Variants in CAPN12 observed in about 807,000 individuals in gnomAD.
CAPN12 encodes calpain-12.
A neutral mutation model predicts 95.0 loss-of-function variants in CAPN12; 107 were observed. The ratio of observed to expected loss-of-function variants is 1.13; its 90% CI spans 0.96 to 1.32. The LOEUF is 1.32. CAPN12 is among the 40% of genes most tolerant of loss of function. The probability of loss-of-function intolerance (pLI) is 0.00; values close to 1 mark genes in which losing one functional copy is unlikely to be tolerated. For missense variants in CAPN12, 1,136 were observed against 997.8 expected (o/e 1.14, Z -1.87); for synonymous variants, 505 against 415.5 (o/e 1.22, Z -2.62).
intron 18 of CAPN12, chr19:38,731,544 G>A (rs1322270922): frequency 2.5e-6 from 1 of 407,916 alleles, no homozygotes; most frequent in Non-Finnish European, 4.6e-6. Flanking sequence ...AGTGGGCACT[G>A]GAGGATATTT....
intron 18 of CAPN12, chr19:38,733,000 G>C (rs1210309916): frequency 1.3e-5 from 2 of 152,214 alleles, no homozygotes; most frequent in Non-Finnish European, 2.9e-5. Context: ...GAGGCCATTG[G>C]CCGGCTCTCT....
At chr19:38,740,485 C>T (rs2145250756) in intron 4 of CAPN12, among the ~76,000 whole-genome samples, 1 of 152,250 alleles carries the variant, frequency 6.6e-6, no homozygotes, top group East Asian at 1.9e-4. Context: ...AGGTGCACAC[C>T]ACCACACCCA....
In CAPN12 at chr19:38,743,057, T is replaced by G; in HGVS notation, c.283A>C (p.Thr95Pro). Residue 95 changes from threonine (T) to proline (P), a missense_variant, in exon 2 of 21, where the codon ACA becomes CCA. Thr to Pro is a conservative substitution (Grantham distance 38). Coordinates refer to ENST00000328867, the MANE Select transcript of CAPN12 (RefSeq NM_144691.4). Reference sequence around the variant, plus strand: ...CCCAGGCTCCCCTGACACACGTCTGTGCGGCTCATGTCTTCACAGATGAAC... The same window carrying G: ...CCCAGGCTCCCCTGACACACGTCTGGGCGGCTCATGTCTTCACAGATGAAC... Reference protein sequence around the residue: ...PKFICEDMSRTDVCQGSLGNC... With the variant: ...PKFICEDMSRPDVCQGSLGNC... The G allele has an allele frequency of 6.2e-7, 1 of 1,613,884 alleles. No individual in the cohort carries two copies. Among genetic ancestry groups the G allele is most frequent in the Non-Finnish European group, 8.5e-7 (1 of 1,179,934 alleles).
Position 38,735,528 on chromosome 19 carries a change from T to C in CAPN12, c.1600A>G (p.Ile534Val), listed in dbSNP as rs1489623749. The C allele has an allele frequency of 6.2e-7, 1 of 1,610,272 alleles. No homozygotes were observed. Among genetic ancestry groups the C allele is most frequent in the South Asian group, 1.1e-5 (1 of 90,840 alleles). Residue 534 changes from isoleucine to valine, a missense_variant, in exon 13 of 21, where the codon ATC becomes GTC. Ile to Val is a conservative substitution (Grantham distance 29). Coordinates refer to ENST00000328867, the MANE Select transcript of CAPN12 (RefSeq NM_144691.4). ...RHTAVEIDDVISADLQSLQGP... is the reference protein window; with the variant it reads ...RHTAVEIDDVVSADLQSLQGP... The stretch of plus-strand genomic sequence containing the variant: ...TGGAGAGACTGCAGGTCTGCGCTGA[T>C]CACGTCGTCGATCTCCCTGCAAATT...
In CAPN12 at chr19:38,737,286, C is replaced by T; in HGVS notation, c.1232G>A (p.Gly411Glu). The part of the protein sequence containing the change: ...EGPWGGWGAA[G>E]ARGPARGGRT... ...GCCCCCCCGCGCTGGGCCCCGTGCC[C>T]CTGCAGCCCCCCAGCCCCCCCAGGG... Residue 411 changes from glycine (G) to glutamate (E), a missense_variant, in exon 10 of 21, where the codon GGG becomes GAG. Physicochemically the swap from Gly to Glu is moderately conservative, Grantham distance 98. Transcript: ENST00000328867. The T allele has an allele frequency of 1.3e-6, 2 of 1,538,840 alleles. No individual in the cohort carries two copies. Among genetic ancestry groups the T allele is most frequent in the Non-Finnish European group, 1.8e-6 (2 of 1,141,476 alleles).
At position 38,733,730 on chromosome 19, in the gene CAPN12, C is replaced by A. The variant is rs566043949; in HGVS notation, c.1930G>T (p.Glu644Ter). 1.3e-5 allele frequency: 21 copies of A among 1,613,518 alleles called. No homozygotes were observed. In the Admixed American group the frequency reaches 3.3e-4, roughly 26 times the overall value. The change falls in exon 18 of 21, where the codon GAG becomes TAG. Residue 644 changes from glutamate (E) to a stop codon, truncating the protein, a stop_gained. Coordinates refer to ENST00000328867, the MANE Select transcript of CAPN12 (RefSeq NM_144691.4). LOFTEE classifies it high-confidence loss of function. The stretch of plus-strand genomic sequence containing the variant: ...GCTGCATTCAGTGCCAGCCTCAGCT[C>A]GTAGGAGTTCATGGTTCCAGAGGTG... ...EDTSGTMNSYELRLALNAAGF... is the reference protein window; with the variant it reads ...EDTSGTMNSY
chr19:38,738,716 A>G, intron 5 of CAPN12, 68 bp from the exon 6 acceptor site: 1 of 1,471,048 alleles, frequency 6.8e-7, no homozygotes, highest in Non-Finnish European at 9.5e-7. Flanking sequence ...CCCTGCCCCC[A>G]ACCTCCTGCC....
rs1162046191 is a variant in CAPN12 at position 38,744,359 on chromosome 19, C to G, written c.-194G>C. On this transcript the variant is annotated 5_prime_UTR_variant, in exon 1 of 21. Transcript: ENST00000328867. ...GTAGCTTTCTTCCCAGGGCGTGGGG[C>G]CTTCAGTTGTGGCCAAGGTAGCAGC... The G allele has an allele frequency of 1.5e-5, 9 of 616,102 alleles. No homozygotes were observed. Among genetic ancestry groups the G allele is most frequent in the Non-Finnish European group, 2.6e-5 (9 of 351,398 alleles). 38.2% of individuals were successfully genotyped at this position (616,102 alleles called of 1,614,324 possible). A position where few individuals can be genotyped will look rare whatever the true frequency, so the allele number is the denominator to read the frequency against.
chr19:38,738,526 G>A lies in CAPN12; in HGVS notation c.805-23C>T, dbSNP rs374731241. The A allele has an allele frequency of 6.2e-6, 10 of 1,613,600 alleles. No individual in the cohort carries two copies. In the East Asian group the frequency reaches 6.7e-5, roughly 11 times the overall value. ...CACCTGGGGCAGCATCGTCAGTGGG[G>A]GTGATGCCTGGACATGGCCTGCCAC... On this transcript the variant is annotated intron_variant, in intron 6 of 20. Transcript: ENST00000328867.
In CAPN12 at chr19:38,738,626, G is replaced by C; in HGVS notation, c.752C>G (p.Thr251Arg). The change falls in exon 6 of 21, where the codon ACA (threonine) becomes AGA (arginine). Residue 251 changes from threonine to arginine, a missense_variant. Physicochemically the swap from Thr to Arg is moderately conservative, Grantham distance 71 (BLOSUM62 -1). Coordinates refer to ENST00000328867, the MANE Select transcript of CAPN12 (RefSeq NM_144691.4). ...GTGTCCCTTTACCAGGCCCTCTTCTGTGCGGTACTCACCCCGATCACTCTG... is the reference window on the plus strand; with the variant it reads ...GTGTCCCTTTACCAGGCCCTCTTCTCTGCGGTACTCACCCCGATCACTCTG... ...TALSDRGEYR[T>R]EEGLVKGHAY... 6.2e-7 allele frequency: 1 copy of C among 1,614,028 alleles called. No homozygotes were observed. The highest frequency in any genetic ancestry group is 8.5e-7 in the Non-Finnish European group (1 of 1,180,034).
chr19:38,738,285 T>C lies in CAPN12; in HGVS notation c.953A>G (p.Asp318Gly). Residue 318 changes from aspartate (D) to glycine (G), a missense_variant, in exon 8 of 21, where the codon GAT becomes GGT. Physicochemically the swap from Asp to Gly is moderately conservative, Grantham distance 94. Coordinates refer to ENST00000328867, the MANE Select transcript of CAPN12 (RefSeq NM_144691.4). ...CRDALLVKKE[D>G]GEFWMELRDF... is the part of the protein sequence containing the mutation. The stretch of plus-strand genomic sequence containing the variant: ...CTGACGAACTGACCAGAACTCGCCA[T>C]CCTCCTTTTTCACCAGCAGGGCATC... The C allele has an allele frequency of 6.2e-7, 1 of 1,611,864 alleles. No individual in the cohort carries two copies. Among genetic ancestry groups the C allele is most frequent in the South Asian group, 1.1e-5 (1 of 90,988 alleles).
In CAPN12 at chr19:38,738,734, C is replaced by T. The variant is rs1970372826; in HGVS notation, c.730-86G>A. ...TGCCCCCAACCTCCTGCCACCAAGG[C>T]AGGAGCCAACCAGAGCACTGAACTG... On this transcript the variant is annotated intron_variant, in intron 5 of 20. Transcript: ENST00000328867. The T allele has an allele frequency of 2.4e-6, 3 of 1,236,218 alleles. No homozygotes were observed. The East Asian group carries it at 7.1e-5, about 29-fold the overall frequency. The allele number at this position is 1,236,218 out of a possible 1,614,324, so 76.6% of individuals were successfully genotyped here.
At chr19:38,735,002 G>A in intron 14 of CAPN12, 132 bp from the exon 15 acceptor site, 4 of 787,684 alleles carry the variant, frequency 5.1e-6, no homozygotes, top group East Asian at 5.4e-5. Context: ...AGACAGACCT[G>A]TCCCCACAGG....
At chr19:38,734,055 TG>T in intron 17 of CAPN12, 86 bp downstream of exon 17, 2 of 1,458,136 alleles carry the variant, frequency 1.4e-6, no homozygotes, top group Non-Finnish European at 1.9e-6. Context: ...CCTCGTTCCC[TG>T]GGGACCTGAT....
At chr19:38,735,166 G>A (rs1599894756) in intron 14 of CAPN12, 3 of 608,200 alleles carry the variant, frequency 4.9e-6, no homozygotes, top group Admixed American at 3.0e-5. Flanking sequence ...GGGAGAGGGT[G>A]GTCCTGGGAG....
At chr19:38,734,565 A>G (rs1278361518) in intron 15 of CAPN12, 176 bp from the exon 16 acceptor site, 3 of 675,556 alleles carry the variant, frequency 4.4e-6, no homozygotes, top group South Asian at 2.0e-5. Context: ...AAATCCAGGC[A>G]GGGGGTGCCC....
At chr19:38,741,335 G>A (rs1970531576) in intron 4 of CAPN12, among the ~76,000 whole-genome samples, 1 of 152,078 alleles carries the variant, frequency 6.6e-6, no homozygotes, top group South Asian at 2.1e-4. Flanking sequence ...TACTTTGGGA[G>A]GCCAAGGAAG....
chr19:38,734,262 G>C (rs35807146), intron 16 of CAPN12, 57 bp downstream of exon 16: 2 of 1,605,844 alleles, frequency 1.2e-6, no homozygotes, highest in Non-Finnish European at 1.7e-6. Flanking sequence ...GGGGAGGAGA[G>C]ACCCCAACGT....
In CAPN12 at chr19:38,731,033, G is replaced by A; in HGVS notation, c.2075-10C>T. 1.3e-6 allele frequency: 2 copies of A among 1,555,974 alleles called. No individual in the cohort carries two copies. The highest frequency in any genetic ancestry group is 1.7e-6 in the Non-Finnish European group (2 of 1,150,312). ...TGCTGGCTGCAGTGGCCTGTGCAGA[G>A]AGGGGCAGGGTGAGTGCCCACCAGT... On this transcript the variant is annotated splice_polypyrimidine_tract_variant and intron_variant, in intron 19 of 20. Transcript: ENST00000328867.
Sources: allele counts gnomAD v4.1 joint callset (sites outside exome capture counted in the v4.1 genomes callset), GRCh38; gene constraint gnomAD v4.1.1; transcripts MANE v1.5; gene names NCBI Gene and HGNC (gene_info 2026-07-23, HGNC 2026-07-21).